BANK1: variants seen among roughly 807,000 people sequenced by gnomAD.
BANK1 encodes B cell scaffold protein with ankyrin repeats 1.
BANK1 carries 95 observed loss-of-function variants against 94.5 expected under a neutral mutation model. That is an observed-to-expected ratio of 1.00 (90% confidence interval 0.85 to 1.19). The LOEUF (loss-of-function observed/expected upper bound fraction) is 1.19. Ranked by LOEUF, BANK1 falls within the 50% of genes most tolerant of loss-of-function variation. The pLI is 0.00. For synonymous variants in BANK1, 334 were observed against 308.4 expected (o/e 1.08, Z -0.87); for missense variants, 987 against 932.2 (o/e 1.06, Z -0.77).
At chr4:102,041,381 T>G (rs1470937770) in intron 10 of BANK1, among the ~76,000 whole-genome samples, 1 of 152,082 alleles carries the variant, frequency 6.6e-6, no homozygotes, top group Non-Finnish European at 1.5e-5. Flanking sequence ...GGCTAGTGCT[T>G]TCTTCAGGAA....
chr4:102,043,124 A>G (rs574288074), intron 10 of BANK1, among the ~76,000 whole-genome samples: 1 of 152,166 alleles, frequency 6.6e-6, no homozygotes, highest in Non-Finnish European at 1.5e-5. Context: ...TTCATTTTCT[A>G]AAGTAAAGTT....
chr4:101,908,047 A>G (rs1722521083), intron 6 of BANK1, among the ~76,000 whole-genome samples: 1 of 152,224 alleles, frequency 6.6e-6, no homozygotes, highest in African/African-American at 2.4e-5. Context: ...CAGAATTGGA[A>G]AAAACTACTT....
chr4:101,916,966 CT>C (rs1354292592), intron 6 of BANK1, among the ~76,000 whole-genome samples: 1 of 151,904 alleles, frequency 6.6e-6, no homozygotes, highest in African/African-American at 2.4e-5. Context: ...ATTGTATCTC[CT>C]AAACAAATCT....
intron 6 of BANK1, among the ~76,000 whole-genome samples, chr4:101,914,506 A>G (rs554043227): frequency 6.6e-6 from 1 of 152,270 alleles, no homozygotes; most frequent in East Asian, 1.9e-4. Context: ...TTGCTTTAAA[A>G]TGCACTTGAT....
intron 7 of BANK1, among the ~76,000 whole-genome samples, chr4:102,010,201 C>T (rs1393582031): frequency 4.6e-5 from 7 of 151,614 alleles, no homozygotes; most frequent in Non-Finnish European, 2.9e-5. Context: ...GGAGGCAGAG[C>T]TTGCAGTGAG....
chr4:102,025,612 T>TA, intron 9 of BANK1, 103 bp downstream of exon 9: 2 of 1,113,466 alleles, frequency 1.8e-6, no homozygotes, highest in Non-Finnish European at 2.5e-6. Context: ...GCAGATCAGC[T>TA]TTTGAAACCA....
chr4:101,843,819 G>A (rs944554875), intron 2 of BANK1, among the ~76,000 whole-genome samples: 2 of 152,116 alleles, frequency 1.3e-5, no homozygotes, highest in Non-Finnish European at 2.9e-5. Flanking sequence ...CTACTTGGGA[G>A]GCTAAGGCAG....
At chr4:102,067,520 A>G (rs79846780) in intron 13 of BANK1, among the ~76,000 whole-genome samples, 5,744 of 152,124 alleles carry the variant, frequency 0.038, 379 homozygotes, top group African/African-American at 0.13. Flanking sequence ...GGCTATATCA[A>G]TGTAAGACAA....
intron 1 of BANK1, among the ~76,000 whole-genome samples, chr4:101,807,159 T>A (rs969417974): frequency 1.3e-5 from 2 of 152,310 alleles, no homozygotes; most frequent in East Asian, 3.9e-4. Flanking sequence ...CAAATTTCAG[T>A]TATTCTCATA....
intron 11 of BANK1, among the ~76,000 whole-genome samples, chr4:102,059,722 A>C (rs1315662128): frequency 6.6e-6 from 1 of 152,198 alleles, no homozygotes. Flanking sequence ...TCTTTCAGAA[A>C]TAAATTTTCA....
intron 1 of BANK1, among the ~76,000 whole-genome samples, chr4:101,816,715 G>T (rs541553144): frequency 5.3e-4 from 80 of 152,024 alleles, no homozygotes; most frequent in South Asian, 1.0e-3. Context: ...GCCTGAGTCT[G>T]GTTTTGTATA....
chr4:102,068,783 T>C (rs1728671085), intron 13 of BANK1, among the ~76,000 whole-genome samples: 1 of 150,696 alleles, frequency 6.6e-6, no homozygotes, highest in African/African-American at 2.4e-5. Flanking sequence ...AGCCAAGATT[T>C]CTCCACTGCA....
At chr4:101,949,048 G>C (rs998293832) in intron 7 of BANK1, among the ~76,000 whole-genome samples, 1 of 151,848 alleles carries the variant, frequency 6.6e-6, no homozygotes, top group Non-Finnish European at 1.5e-5. Flanking sequence ...CTTGGTCCTG[G>C]TCCTGTCGCT....
chr4:101,850,099 A>G (rs1308925698), intron 2 of BANK1, among the ~76,000 whole-genome samples: 1 of 152,190 alleles, frequency 6.6e-6, no homozygotes, highest in East Asian at 1.9e-4. Flanking sequence ...TAGGGATTAT[A>G]TTTTTAAGGG....
At chr4:101,880,784 C>T (rs4698839) in intron 5 of BANK1, among the ~76,000 whole-genome samples, 70,550 of 151,916 alleles carry the variant, frequency 0.46, 17,924 homozygotes, top group African/African-American at 0.68. Flanking sequence ...CTACAGTGAA[C>T]TCATTTTCGA....
chr4:101,929,458 C>T (rs1291554743), intron 7 of BANK1, among the ~76,000 whole-genome samples: 2 of 151,530 alleles, frequency 1.3e-5, no homozygotes, highest in Non-Finnish European at 3.0e-5. Context: ...TATTTTAATA[C>T]TTAAGTCATT....
At chr4:101,930,739 T>C (rs577893098) in intron 7 of BANK1, among the ~76,000 whole-genome samples, 1 of 151,626 alleles carries the variant, frequency 6.6e-6, no homozygotes, top group Admixed American at 6.6e-5. Flanking sequence ...GTCACACATT[T>C]GGTAATAAGT....
rs1439128115 is a variant in BANK1, at chr4:101,826,513, CCTA to C, written c.71-3291_71-3289del. On this transcript the variant is annotated intron_variant, in intron 1 of 16. Coordinates refer to ENST00000322953, the MANE Select transcript of BANK1 (RefSeq NM_017935.5). ...AATTATTATTAATTTTATTTATACT[CCTA>C]CTATTTTTATAACTGTAGACCAGCT... Among the ~76,000 whole-genome samples, 4 of 151,876 alleles carry C rather than the reference CCTA, an allele frequency of 2.6e-5. No homozygotes were observed. The East Asian group carries it at 5.8e-4, about 22-fold the overall frequency.
At position 101,986,899 on chromosome 4, in the gene BANK1, G is replaced by GTGTATATATA. The variant is rs1343197093; in HGVS notation, c.1207-34614_1207-34613insGTATATATAT. On this transcript the variant is annotated intron_variant, in intron 7 of 16. Transcript: ENST00000322953. Reference sequence around the variant, plus strand: ...TGTGTGTGTGTGTGTGTGTGTGTGTGTATATATATATATATATATATATAT... The same window carrying GTGTATATATA: ...TGTGTGTGTGTGTGTGTGTGTGTGTGTGTATATATATATATATATATATATATATATATAT... Among the ~76,000 whole-genome samples the GTGTATATATA allele has an allele frequency of 3.0e-3, 249 of 82,656 alleles. 15 individuals are homozygous for GTGTATATATA. Among genetic ancestry groups the GTGTATATATA allele is most frequent in the African/African-American group, 0.014 (216 of 15,544 alleles). 54.2% of individuals were successfully genotyped at this position (82,656 alleles called of 152,430 possible). A position where few individuals can be genotyped will look rare whatever the true frequency, so the allele number is the denominator to read the frequency against.
Sources: gnomAD v4.1 joint callset for allele counts (sites outside exome capture counted in the v4.1 genomes callset) on GRCh38, gnomAD v4.1.1 for gene constraint, MANE v1.5 for transcripts, NCBI Gene and HGNC (gene_info 2026-07-23, HGNC 2026-07-21) for gene names.